MORN1: variants seen among roughly 807,000 people sequenced by gnomAD.
MORN1 encodes the protein MORN repeat-containing protein 1.
Under a neutral mutation model 61.9 loss-of-function variants are expected in MORN1, and 67 were observed. That is an observed-to-expected ratio of 1.08 (90% CI 0.89 to 1.33). MORN1 has a LOEUF of 1.33. MORN1 is among the 40% of genes most tolerant of loss of function. The pLI is 0.00. For missense variants in MORN1, 752 were observed against 691.2 expected (o/e 1.09, Z -0.99); for synonymous variants, 301 against 292.0 (o/e 1.03, Z -0.31).
chr1:2,388,084 C>A, intron 3 of MORN1, 155 bp downstream of exon 3: 1 of 605,528 alleles, frequency 1.7e-6, no homozygotes, highest in Non-Finnish European at 2.9e-6. Context: ...CACAGAGCCT[C>A]AGTCAGGTCC....
intron 12 of MORN1, among the ~76,000 whole-genome samples, chr1:2,327,807 A>G (rs1210623330): frequency 6.6e-6 from 1 of 152,234 alleles, no homozygotes; most frequent in African/African-American, 2.4e-5. Flanking sequence ...CGGTGACCAG[A>G]ATGGCCCATT....
intron 12 of MORN1, among the ~76,000 whole-genome samples, chr1:2,325,890 G>A (rs952034453): frequency 4.6e-5 from 7 of 152,168 alleles, no homozygotes; most frequent in African/African-American, 1.7e-4. Flanking sequence ...TTCCTAAAGT[G>A]TTGGGATTAC....
At chr1:2,363,250 G>T (rs1365899313) in intron 8 of MORN1, 1 of 152,076 alleles carries the variant, frequency 6.6e-6, no homozygotes, top group Admixed American at 6.5e-5. Context: ...TACATCTCTT[G>T]AAAATAACTG....
chr1:2,363,825 TA>T (rs56944878), intron 8 of MORN1, among the ~76,000 whole-genome samples: 5 of 132,708 alleles, frequency 3.8e-5, no homozygotes, highest in South Asian at 2.5e-4. Flanking sequence ...TATATATATA[TA>T]AAAAAAATCA....
rs528109189 is a variant in MORN1, at chr1:2,322,594, G to A, written c.1298-1015C>T. 75 of 985,418 alleles carry A rather than the reference G, an allele frequency of 7.6e-5. No homozygotes were observed. In the South Asian group the frequency reaches 2.8e-3, roughly 36 times the overall value. The allele number at this position is 985,418 out of a possible 1,614,324, so 61.0% of individuals were successfully genotyped here. ...ACGGTTCTGGGGGGCCTCGCCAGGG[G>A]GACACACGTTCTGCAACCTGGCGGG... On this transcript the variant is annotated intron_variant, in intron 13 of 13. Transcript: ENST00000378531.
chr1:2,373,413 C>A (rs1026059280), intron 7 of MORN1, among the ~76,000 whole-genome samples: 1 of 152,222 alleles, frequency 6.6e-6, no homozygotes, highest in African/African-American at 2.4e-5. Context: ...AGACCCTCCT[C>A]GGGGTGAAGC....
At chr1:2,332,761 G>C (rs979802033) in intron 12 of MORN1, 13 of 456,310 alleles carry the variant, frequency 2.8e-5, no homozygotes, top group Non-Finnish European at 5.3e-5. Flanking sequence ...ATCCTGGGAG[G>C]GGTGAAAACC....
chr1:2,385,168 C>G (rs763478168), intron 5 of MORN1, 103 bp from the exon 6 acceptor site: 2 of 1,253,020 alleles, frequency 1.6e-6, no homozygotes, highest in African/African-American at 1.5e-5. Context: ...ACTGCGGGAC[C>G]GAGGCAAAAA....
chr1:2,321,933 G>A (rs1379928646), intron 13 of MORN1: 17 of 857,868 alleles, frequency 2.0e-5, no homozygotes, highest in Non-Finnish European at 2.4e-5. Context: ...CTGGCTACAG[G>A]TCCCTGAAGG....
At position 2,387,411 on chromosome 1, in the gene MORN1, C is replaced by T. The variant is rs377735372; in HGVS notation, c.358+8G>A. 4.7e-5 allele frequency: 76 copies of T among 1,606,694 alleles called. No individual in the cohort carries two copies. The highest frequency in any genetic ancestry group is 5.7e-5 in the Non-Finnish European group (67 of 1,174,736). ...CCTCACAGCACCCGGCTCCTGTGGGCGCCAGACCTTCCCGCATGCCGTGGG... is the reference window on the plus strand; with the variant it reads ...CCTCACAGCACCCGGCTCCTGTGGGTGCCAGACCTTCCCGCATGCCGTGGG... On this transcript the variant is annotated splice_region_variant and intron_variant, in intron 4 of 13. Transcript: ENST00000378531.
chr1:2,361,699 C>T (rs1042455615), intron 8 of MORN1, among the ~76,000 whole-genome samples: 28 of 152,106 alleles, frequency 1.8e-4, no homozygotes, highest in Admixed American at 1.1e-3. Context: ...ATTTATGAAC[C>T]TGGAAATGCA....
At chr1:2,378,585 G>C in intron 6 of MORN1, 1 of 246,700 alleles carries the variant, frequency 4.1e-6, no homozygotes, top group Admixed American at 5.1e-5. Flanking sequence ...GGCAACTCCG[G>C]GAAAGCTGGC....
At chr1:2,365,854 T>C (rs1374937811) in intron 8 of MORN1, among the ~76,000 whole-genome samples, 52 of 149,024 alleles carry the variant, frequency 3.5e-4, no homozygotes, top group African/African-American at 7.9e-4. Flanking sequence ...TGTGGAGAAA[T>C]AGGAACACTT....
In MORN1 at chr1:2,374,502, CCT is replaced by C; in HGVS notation, c.591_592del (p.Val199HisfsTer72). The C allele has an allele frequency of 6.2e-7, 1 of 1,604,048 alleles. No homozygotes were observed. The highest frequency in any genetic ancestry group is 2.2e-5 in the East Asian group (1 of 44,574). ...GATCCACAACCCATAATAGGTGACC[CCT>C]GAGCAGTGGGCCATGCTGCCCAGTC... On this transcript the variant is annotated frameshift_variant, in exon 7 of 14. Coordinates refer to ENST00000378531, the MANE Select transcript of MORN1 (RefSeq NM_024848.3). LOFTEE classifies it high-confidence loss of function.
rs1293840580 is a variant in MORN1, at chr1:2,356,263, G to A, written c.1036+1169C>T. The stretch of plus-strand genomic sequence containing the variant: ...CAGGGACATGGCAGGGATTGAGCTC[G>A]CATCGGCCAAGGCAGGTGACAAGGG... On this transcript the variant is annotated intron_variant, in intron 10 of 13. Transcript: ENST00000378531. Among the ~76,000 whole-genome samples, 11 of 152,306 alleles carry A rather than the reference G, an allele frequency of 7.2e-5. No homozygotes were observed. In the South Asian group the frequency reaches 2.1e-3, roughly 29 times the overall value.
At position 2,342,892 on chromosome 1, in the gene MORN1, T is replaced by TTTTATTTTATTTTA. The variant is rs1557873848; in HGVS notation, c.1037-6056_1037-6043dup. ...ATTTATTTTATTTTATTTTATTTTA[T>TTTTATTTTATTTTA]TTTATTTTATTTTATTTTATTTTAA... is the stretch of plus-strand genomic sequence containing the variant. On this transcript the variant is annotated intron_variant, in intron 10 of 13. Transcript: ENST00000378531. Among the ~76,000 whole-genome samples the TTTTATTTTATTTTA allele has an allele frequency of 1.2e-3, 171 of 139,582 alleles. 1 individual carries two copies. Among genetic ancestry groups the TTTTATTTTATTTTA allele is most frequent in the African/African-American group, 4.4e-3 (163 of 37,354 alleles). The allele number at this position is 139,582 out of a possible 152,430, so 91.6% of individuals were successfully genotyped here. A position where few individuals can be genotyped will look rare whatever the true frequency, so the allele number is the denominator to read the frequency against.
rs1339354919 is a variant in MORN1 at position 2,391,458 on chromosome 1, C to CGTTCCGGGGCGGCCGCCTAGGCGG, written c.52_75dup (p.Pro18_Asn25dup). ...CTGTCCCGTGGCCCGCAGTCGTTAC[C>CGTTCCGGGGCGGCCGCCTAGGCGG]GTTCCGGGGCGGCCGCCTAGGCGGG... On this transcript the variant is annotated inframe_insertion and splice_region_variant, in exon 1 of 14. Transcript: ENST00000378531. The CGTTCCGGGGCGGCCGCCTAGGCGG allele has an allele frequency of 8.8e-6, 11 of 1,255,340 alleles. No homozygotes were observed. Among genetic ancestry groups the CGTTCCGGGGCGGCCGCCTAGGCGG allele is most frequent in the Non-Finnish European group, 2.0e-6 (2 of 992,422 alleles). The allele number at this position is 1,255,340 out of a possible 1,614,324, so 77.8% of individuals were successfully genotyped here.
At chr1:2,387,823 C>CACCCTTT in intron 3 of MORN1, 1 of 450,126 alleles carries the variant, frequency 2.2e-6, no homozygotes, top group South Asian at 3.3e-5. Flanking sequence ...TTTTCCCTGG[C>CACCCTTT]TCTTTAAAAA....
intron 12 of MORN1, among the ~76,000 whole-genome samples, chr1:2,330,189 C>T (rs552218169): frequency 5.3e-5 from 8 of 152,306 alleles, no homozygotes; most frequent in Non-Finnish European, 1.0e-4. Context: ...CCCTAACTGG[C>T]CACAGCGTGC....
Sources: allele counts gnomAD v4.1 joint callset (sites outside exome capture counted in the v4.1 genomes callset), GRCh38; gene constraint gnomAD v4.1.1; transcripts MANE v1.5; gene names NCBI Gene and HGNC (gene_info 2026-07-23, HGNC 2026-07-21).